OSBPL10: variants seen among roughly 807,000 people sequenced by gnomAD.
OSBPL10 encodes the protein oxysterol binding protein like 10, also known as oxysterol-binding protein-related protein 10.
In OSBPL10, 49 loss-of-function variants were observed where a neutral mutation model predicts 81.7. The ratio of observed to expected loss-of-function variants is 0.60; its 90% CI spans 0.48 to 0.76. OSBPL10 has a LOEUF of 0.76. Among genes scored for constraint, OSBPL10 ranks in the 30% least tolerant of loss-of-function variants. OSBPL10 has a pLI of 0.00. For synonymous variants in OSBPL10, 419 were observed against 383.6 expected, an observed-to-expected ratio of 1.09 and a Z score of -1.08; for missense variants, 923 against 987.8, an observed-to-expected ratio of 0.93 and a Z score of 0.88.
intron 3 of OSBPL10, among the ~76,000 whole-genome samples, chr3:31,867,950 T>C (rs7642278): frequency 0.033 from 5,063 of 151,916 alleles, 289 homozygotes; most frequent in African/African-American, 0.12. Flanking sequence ...AGCCCAAACA[T>C]AGAATAGGTC....
At chr3:31,899,971 TTAAGC>T (rs1696183646) in intron 1 of OSBPL10, among the ~76,000 whole-genome samples, 1 of 152,106 alleles carries the variant, frequency 6.6e-6, no homozygotes, top group African/African-American at 2.4e-5. Context: ...TTGCAGAAGA[TTAAGC>T]TGTTTTTAAA....
At chr3:31,999,343 A>T (rs1034362607) in intron 2 of OSBPL10, among the ~76,000 whole-genome samples, 6 of 150,448 alleles carry the variant, frequency 4.0e-5, no homozygotes, top group African/African-American at 1.5e-4. Flanking sequence ...GACTTTTCAG[A>T]TAAAAATATC....
intron 1 of OSBPL10, among the ~76,000 whole-genome samples, chr3:31,912,368 C>G (rs992039498): frequency 1.4e-5 from 2 of 146,572 alleles, no homozygotes; most frequent in East Asian, 4.1e-4. Flanking sequence ...GCACTCCAGC[C>G]TGGGCGACAG....
At chr3:31,855,595 T>C (rs1008765213) in intron 3 of OSBPL10, among the ~76,000 whole-genome samples, 1 of 152,156 alleles carries the variant, frequency 6.6e-6, no homozygotes, top group African/African-American at 2.4e-5. Context: ...CAGTACTATA[T>C]CCTAGTGCCT....
Position 31,855,793 on chromosome 3 carries a change from G to A in OSBPL10, c.537+20640C>T, listed in dbSNP as rs1431240079. ...ACTGACCCCAACTTTATCACTCACA[G>A]TGGATGCAGTTCAGTGCAGGAAATG... On this transcript the variant is annotated intron_variant, in intron 3 of 11. Coordinates refer to ENST00000396556, the MANE Select transcript of OSBPL10 (RefSeq NM_017784.5). Among the ~76,000 whole-genome samples, 3 of 152,084 alleles carry A rather than the reference G, an allele frequency of 2.0e-5. No homozygotes were observed. The East Asian group carries it at 5.8e-4, about 29-fold the overall frequency.
At chr3:31,845,637 T>G (rs1700610441) in intron 3 of OSBPL10, among the ~76,000 whole-genome samples, 1 of 152,098 alleles carries the variant, frequency 6.6e-6, no homozygotes, top group African/African-American at 2.4e-5. Context: ...GTGTCAGACT[T>G]CACCAAGAGG....
chr3:31,668,820 T>C lies in OSBPL10; in HGVS notation c.1918A>G (p.Thr640Ala). The change falls in exon 10 of 12, where the codon ACC becomes GCC. Residue 640 changes from threonine (T) to alanine (A), a missense_variant. Coordinates refer to ENST00000396556, the MANE Select transcript of OSBPL10 (RefSeq NM_017784.5). Reference protein sequence around the residue: ...PFYGGKVHRVTAEVKHNPTNT... With the variant: ...PFYGGKVHRVAAEVKHNPTNT... ...GTTGGGTTGTGCTTCACTTCTGCGG[T>C]AACCCTGAATTAATGAGTCAAATGA... is the stretch of plus-strand genomic sequence containing the variant. 1 of 1,605,630 alleles carries C rather than the reference T, an allele frequency of 6.2e-7. No individual in the cohort carries two copies. Among genetic ancestry groups the C allele is most frequent in the Non-Finnish European group, 8.5e-7 (1 of 1,174,730 alleles).
At chr3:31,885,605 GCATA>G (rs1225881731) in intron 1 of OSBPL10, among the ~76,000 whole-genome samples, 2 of 152,108 alleles carry the variant, frequency 1.3e-5, no homozygotes, top group East Asian at 3.9e-4. Context: ...GCTGACAAAA[GCATA>G]CATGTTTCCT....
At chr3:32,052,158 G>A (rs977778441) in intron 1 of OSBPL10, among the ~76,000 whole-genome samples, 1 of 151,116 alleles carries the variant, frequency 6.6e-6, no homozygotes, top group African/African-American at 2.4e-5. Context: ...GAGGTGGGAG[G>A]ATCACTTGAG....
intron 7 of OSBPL10, among the ~76,000 whole-genome samples, chr3:31,688,130 T>A (rs1015934341): frequency 4.5e-4 from 69 of 151,834 alleles, no homozygotes; most frequent in Non-Finnish European, 9.0e-4. Flanking sequence ...AGGCCCAGCA[T>A]CCTGCCATAC....
intron 1 of OSBPL10, among the ~76,000 whole-genome samples, chr3:31,914,754 T>C (rs955977041): frequency 6.6e-6 from 1 of 152,150 alleles, no homozygotes; most frequent in African/African-American, 2.4e-5. Flanking sequence ...AAAATGATTA[T>C]AAAATTAAAT....
At position 32,069,502 on chromosome 3, in the gene OSBPL10, G is replaced by A. The variant is rs185274522; in HGVS notation, n.185+7894C>T. 1.1e-3 allele frequency among the ~76,000 whole-genome samples: 165 copies of A among 152,244 alleles called. 2 individuals are homozygous for A. In the South Asian group the frequency reaches 0.027, roughly 25 times the overall value. Reference sequence around the variant, plus strand: ...TAAAGAAACTACCCAAGGTAAAGACGAAAACCCAGCCCAGTTCATGGCCCG... The same window carrying A: ...TAAAGAAACTACCCAAGGTAAAGACAAAAACCCAGCCCAGTTCATGGCCCG... On this transcript the variant is annotated intron_variant and non_coding_transcript_variant, in intron 1 of 3. Transcript: ENST00000479173.
intron 4 of OSBPL10, among the ~76,000 whole-genome samples, chr3:31,760,644 T>G (rs188774939): frequency 1.1e-3 from 173 of 152,362 alleles, no homozygotes; most frequent in African/African-American, 3.8e-3. Flanking sequence ...AATCTAGGGA[T>G]GCAGAACCCA....
intron 6 of OSBPL10, among the ~76,000 whole-genome samples, chr3:31,706,299 AC>A (rs1165877713): frequency 3.3e-5 from 5 of 152,002 alleles, no homozygotes; most frequent in Admixed American, 2.6e-4. Flanking sequence ...TAAGATATCC[AC>A]CCCCATCCTT....
chr3:31,992,145 C>CAA (rs527764918), intron 2 of OSBPL10, among the ~76,000 whole-genome samples: 82 of 65,546 alleles, frequency 1.3e-3, no homozygotes, highest in African/African-American at 3.8e-3. Context: ...GACTCCATCT[C>CAA]AAAAAAAAAA....
chr3:31,737,539 G>A (rs961583066), intron 5 of OSBPL10, among the ~76,000 whole-genome samples: 1 of 152,196 alleles, frequency 6.6e-6, no homozygotes, highest in African/African-American at 2.4e-5. Flanking sequence ...GAATTATTAT[G>A]AGGAAACTAA....
chr3:31,983,630 G>C (rs1428212450), upstream of OSBPL10, among the ~76,000 whole-genome samples: 1 of 152,202 alleles, frequency 6.6e-6, no homozygotes, highest in African/African-American at 2.4e-5. Context: ...AGCACATGCT[G>C]TTCCTCCTGC....
intron 4 of OSBPL10, among the ~76,000 whole-genome samples, chr3:31,767,070 A>T (rs1168738672): frequency 6.6e-6 from 1 of 152,158 alleles, no homozygotes; most frequent in Non-Finnish European, 1.5e-5. Flanking sequence ...AAAACAACCC[A>T]ATTAGCTACG....
intron 7 of OSBPL10, among the ~76,000 whole-genome samples, chr3:31,699,371 G>A (rs370869237): frequency 6.6e-5 from 10 of 152,192 alleles, no homozygotes; most frequent in East Asian, 1.9e-4. Flanking sequence ...CCAGACCTTC[G>A]GTGACCCTCC....
Sources: gnomAD v4.1 joint callset for allele counts (sites outside exome capture counted in the v4.1 genomes callset) on GRCh38, gnomAD v4.1.1 for gene constraint, MANE v1.5 for transcripts, NCBI Gene and HGNC (gene_info 2026-07-23, HGNC 2026-07-21) for gene names.